The following MACROD2 variants were observed in gnomAD, a reference collection of about 807,000 sequenced individuals.
MACROD2 encodes the protein ADP-ribose glycohydrolase MACROD2.
In MACROD2, 36 loss-of-function variants were observed where a neutral mutation model predicts 70.4. That is an observed-to-expected ratio of 0.51 (90% CI 0.39 to 0.68). The LOEUF (loss-of-function observed/expected upper bound fraction) is 0.68. Among genes scored for constraint, MACROD2 ranks in the 30% least tolerant of loss-of-function variants. The probability of loss-of-function intolerance (pLI) is 0.00; values close to 1 mark genes in which losing one functional copy is unlikely to be tolerated. For synonymous variants in MACROD2, 172 were observed against 178.8 expected (o/e 0.96, Z 0.30); for missense variants, 496 against 538.4 (o/e 0.92, Z 0.78).
chr20:14,657,559 G>C (rs1219799062), intron 4 of MACROD2, among the ~76,000 whole-genome samples: 1 of 152,232 alleles, frequency 6.6e-6, no homozygotes, highest in Non-Finnish European at 1.5e-5. Flanking sequence ...TCCATGAAGA[G>C]TGCCACCTGC....
At chr20:15,234,843 G>A (rs1006773449) in intron 6 of MACROD2, among the ~76,000 whole-genome samples, 1 of 152,056 alleles carries the variant, frequency 6.6e-6, no homozygotes, top group South Asian at 2.1e-4. Context: ...ATATCACCAC[G>A]CACTGATGGA....
chr20:14,466,604 G>A (rs182184651), intron 3 of MACROD2, among the ~76,000 whole-genome samples: 5 of 152,098 alleles, frequency 3.3e-5, no homozygotes, highest in Non-Finnish European at 5.9e-5. Context: ...GAGGAGGAGC[G>A]GTGCTCTGAT....
intron 2 of MACROD2, among the ~76,000 whole-genome samples, chr20:14,005,953 A>G (rs1477141150): frequency 3.3e-5 from 5 of 152,212 alleles, no homozygotes; most frequent in African/African-American, 1.2e-4. Flanking sequence ...GCTAGAATAC[A>G]GTCATGTGCC....
chr20:15,168,858 A>G (rs74548389), intron 5 of MACROD2, among the ~76,000 whole-genome samples: 594 of 152,278 alleles, frequency 3.9e-3, no homozygotes, highest in East Asian at 8.3e-3. Context: ...ATGCTAGAAC[A>G]TGAATGAACC....
intron 3 of MACROD2, among the ~76,000 whole-genome samples, chr20:14,168,522 T>G (rs376443282): frequency 6.6e-6 from 1 of 152,212 alleles, no homozygotes; most frequent in Non-Finnish European, 1.5e-5. Context: ...CCTTGCATTA[T>G]TGTAGTACAT....
intron 2 of MACROD2, among the ~76,000 whole-genome samples, chr20:14,060,549 A>G (rs1460665568): frequency 6.6e-6 from 1 of 152,186 alleles, no homozygotes; most frequent in African/African-American, 2.4e-5. Context: ...TTCTGATCTC[A>G]GATAAGTAGT....
At position 13,997,377 on chromosome 20, in the gene MACROD2, A is replaced by G. The variant is rs1167474734; in HGVS notation, c.46+1568A>G. ...GAGCACTGAAAAATCATTTATGCCC[A>G]TGTTTATTGATGATGCTGAAATGTT... is the stretch of plus-strand genomic sequence containing the variant. On this transcript the variant is annotated intron_variant, in intron 1 of 17. Coordinates refer to ENST00000684519, the MANE Select transcript of MACROD2 (RefSeq NM_001351661.2). Among the ~76,000 whole-genome samples, 4 of 152,194 alleles carry G rather than the reference A, an allele frequency of 2.6e-5. No individual in the cohort carries two copies. In the East Asian group the frequency reaches 7.7e-4, roughly 29 times the overall value.
intron 5 of MACROD2, among the ~76,000 whole-genome samples, chr20:14,707,942 G>C (rs1403253073): frequency 6.6e-6 from 1 of 152,138 alleles, no homozygotes; most frequent in Non-Finnish European, 1.5e-5. Flanking sequence ...AGGCAATATA[G>C]TCTAGTGCTT....
At chr20:14,312,643 C>T (rs1055755757) in intron 3 of MACROD2, among the ~76,000 whole-genome samples, 8 of 152,270 alleles carry the variant, frequency 5.3e-5, no homozygotes, top group Non-Finnish European at 1.0e-4. Context: ...ACACAATTAA[C>T]CCCTGCAATA....
intron 8 of MACROD2, among the ~76,000 whole-genome samples, chr20:15,585,498 G>A (rs1183303520): frequency 6.6e-6 from 1 of 152,014 alleles, no homozygotes; most frequent in Non-Finnish European, 1.5e-5. Flanking sequence ...GCCCGGCCTG[G>A]AGCGTCCTTT....
At chr20:15,514,950 C>T (rs2047547261) in intron 8 of MACROD2, among the ~76,000 whole-genome samples, 1 of 152,216 alleles carries the variant, frequency 6.6e-6, no homozygotes, top group Admixed American at 6.5e-5. Context: ...ATGAATCTCA[C>T]TACAGTCTAA....
intron 5 of MACROD2, among the ~76,000 whole-genome samples, chr20:15,071,382 C>T (rs942451233): frequency 6.6e-6 from 1 of 152,182 alleles, no homozygotes; most frequent in African/African-American, 2.4e-5. Context: ...ATGTTGCTCT[C>T]ATCTGTGATT....
chr20:15,874,950 G>A (rs888831182), intron 9 of MACROD2, among the ~76,000 whole-genome samples: 15 of 152,132 alleles, frequency 9.9e-5, no homozygotes, highest in African/African-American at 3.6e-4. Context: ...AAAGAGGAAA[G>A]CAGAAGAGGG....
At chr20:14,441,478 C>T (rs2084122503) in intron 3 of MACROD2, among the ~76,000 whole-genome samples, 1 of 152,142 alleles carries the variant, frequency 6.6e-6, no homozygotes, top group East Asian at 1.9e-4. Context: ...AACTGATATA[C>T]ATATGTAGGC....
chr20:14,531,978 G>A (rs902254504), intron 4 of MACROD2, among the ~76,000 whole-genome samples: 5 of 152,088 alleles, frequency 3.3e-5, no homozygotes, highest in African/African-American at 1.2e-4. Context: ...AGCACTCGAC[G>A]TTCACTGTGT....
intron 4 of MACROD2, among the ~76,000 whole-genome samples, chr20:14,512,529 C>T (rs1295963498): frequency 4.6e-5 from 7 of 152,080 alleles, no homozygotes; most frequent in Non-Finnish European, 1.0e-4. Flanking sequence ...ATTGCTTACT[C>T]ATTTGGAAAT....
chr20:15,326,784 G>C (rs1040381248), intron 6 of MACROD2, among the ~76,000 whole-genome samples: 1 of 152,126 alleles, frequency 6.6e-6, no homozygotes, highest in Non-Finnish European at 1.5e-5. Flanking sequence ...CAGGTGGCTA[G>C]AGAAGGAAGA....
intron 5 of MACROD2, among the ~76,000 whole-genome samples, chr20:14,940,907 G>A (rs1188998410): frequency 6.6e-6 from 1 of 151,210 alleles, no homozygotes; most frequent in Non-Finnish European, 1.5e-5. Context: ...TGCTATCCTT[G>A]TAGAAGGAGT....
intron 5 of MACROD2, among the ~76,000 whole-genome samples, chr20:15,178,388 G>A (rs1466037011): frequency 6.6e-6 from 1 of 152,112 alleles, no homozygotes; most frequent in African/African-American, 2.4e-5. Flanking sequence ...ATGACTATGA[G>A]GTATTTACTT....
Sources: gnomAD v4.1 joint callset for allele counts (sites outside exome capture counted in the v4.1 genomes callset) on GRCh38, gnomAD v4.1.1 for gene constraint, MANE v1.5 for transcripts, NCBI Gene and HGNC (gene_info 2026-07-23, HGNC 2026-07-21) for gene names.